The following GREB1L variants were observed in gnomAD, a reference collection of about 807,000 sequenced individuals.
GREB1L encodes GREB1-like protein.
Under a neutral mutation model 200.8 loss-of-function variants are expected in GREB1L, and 17 were observed. The observed-to-expected ratio is 0.08, with a 90% CI of 0.06 to 0.13. The LOEUF is 0.13. GREB1L is among the 10% of genes least tolerant of loss of function. The pLI is 1.00. For synonymous variants in GREB1L, 789 were observed against 893.0 expected, an observed-to-expected ratio of 0.88 and a Z score of 2.08; for missense variants, 1,657 against 2,367.7, an observed-to-expected ratio of 0.70 and a Z score of 6.23.
intron 5 of GREB1L, among the ~76,000 whole-genome samples, chr18:21,396,086 C>T (rs1304183245): frequency 1.3e-5 from 2 of 150,744 alleles, no homozygotes; most frequent in African/African-American, 4.9e-5. Context: ...CTCTTGTCAC[C>T]CAGGCTGGAG....
At chr18:21,296,872 C>A (rs1372341314) in intron 1 of GREB1L, among the ~76,000 whole-genome samples, 2 of 152,120 alleles carry the variant, frequency 1.3e-5, no homozygotes, top group African/African-American at 2.4e-5. Context: ...CTAGGCTGGT[C>A]TCGAACTCCT....
chr18:21,261,937 T>C (rs1458155343), intron 1 of GREB1L, among the ~76,000 whole-genome samples: 1 of 152,106 alleles, frequency 6.6e-6, no homozygotes, highest in Non-Finnish European at 1.5e-5. Context: ...CATTTTGAGG[T>C]CTTAGATTTT....
intron 27 of GREB1L, among the ~76,000 whole-genome samples, chr18:21,508,887 G>C (rs2037127538): frequency 1.3e-5 from 2 of 152,114 alleles, no homozygotes; most frequent in Admixed American, 6.5e-5. Flanking sequence ...GGCTGCAAAT[G>C]TTCCTGAGCT....
At chr18:21,308,175 A>G (rs546178816) in intron 1 of GREB1L, among the ~76,000 whole-genome samples, 148 of 152,328 alleles carry the variant, frequency 9.7e-4, no homozygotes, top group African/African-American at 3.5e-3. Flanking sequence ...TCTGTGGAGT[A>G]GGCACAAAAT....
intron 4 of GREB1L, among the ~76,000 whole-genome samples, chr18:21,384,790 C>G (rs577805576): frequency 8.6e-6 from 1 of 115,982 alleles, no homozygotes; most frequent in Non-Finnish European, 1.7e-5. Flanking sequence ...TATTCCCCCC[C>G]GCCCCCGGCC....
intron 15 of GREB1L, among the ~76,000 whole-genome samples, chr18:21,468,549 A>G (rs2035355212): frequency 6.6e-6 from 1 of 152,246 alleles, no homozygotes. Context: ...GCTTATATCA[A>G]TCACAAACGC....
At chr18:21,333,095 C>T (rs980163891) in intron 1 of GREB1L, among the ~76,000 whole-genome samples, 14 of 151,210 alleles carry the variant, frequency 9.3e-5, no homozygotes, top group Non-Finnish European at 1.5e-4. Context: ...CACACACACG[C>T]GCGCGCGCGC....
At position 21,494,965 on chromosome 18, in the gene GREB1L, G is replaced by GA. The variant is rs1216884411; in HGVS notation, c.3031-700dup. On this transcript the variant is annotated intron_variant, in intron 19 of 32. Coordinates refer to ENST00000424526, the MANE Select transcript of GREB1L (RefSeq NM_001142966.3). ...TGTCTATGTATATGTGTGTTTATATGAAAAATTGATACTTAATAGGTTCTT... is the reference window on the plus strand; with the variant it reads ...TGTCTATGTATATGTGTGTTTATATGAAAAAATTGATACTTAATAGGTTCTT... 7.9e-5 allele frequency among the ~76,000 whole-genome samples: 12 copies of GA among 152,244 alleles called. 1 individual carries two copies. The highest frequency in any genetic ancestry group is 1.6e-4 in the Non-Finnish European group (11 of 67,992).
At chr18:21,402,345 T>G (rs1456233393) in intron 6 of GREB1L, among the ~76,000 whole-genome samples, 1 of 152,144 alleles carries the variant, frequency 6.6e-6, no homozygotes, top group African/African-American at 2.4e-5. Context: ...AACTTCTTAG[T>G]ACTCAGTGGC....
At chr18:21,434,401 A>T (rs971816491) in intron 7 of GREB1L, among the ~76,000 whole-genome samples, 1 of 150,928 alleles carries the variant, frequency 6.6e-6, no homozygotes, top group Non-Finnish European at 1.5e-5. Flanking sequence ...TCTTGAACCC[A>T]GGAGGAAGAG....
chr18:21,289,672 C>T (rs1567923657), intron 1 of GREB1L, among the ~76,000 whole-genome samples: 1 of 152,182 alleles, frequency 6.6e-6, no homozygotes, highest in Non-Finnish European at 1.5e-5. Flanking sequence ...GTTTACTTTG[C>T]ACCCTTGATT....
At chr18:21,266,480 C>T (rs2037969519) in intron 1 of GREB1L, among the ~76,000 whole-genome samples, 2 of 152,092 alleles carry the variant, frequency 1.3e-5, no homozygotes, top group African/African-American at 4.8e-5. Flanking sequence ...TTGTGGTGAG[C>T]CTTGGGCTGC....
rs570173359 is a variant in GREB1L, at chr18:21,462,263, C to A, written c.2182+7700C>A. Among the ~76,000 whole-genome samples, 11 of 152,288 alleles carry A rather than the reference C, an allele frequency of 7.2e-5. No individual in the cohort carries two copies. The South Asian group carries it at 2.3e-3, about 32-fold the overall frequency. ...ATTTGAAAAATAAACTTGTTTAATT[C>A]CATAGAACTGTGATAAATTAAGTTA... On this transcript the variant is annotated intron_variant, in intron 15 of 32. Coordinates refer to ENST00000424526, the MANE Select transcript of GREB1L (RefSeq NM_001142966.3).
chr18:21,357,167 G>T (rs560598380), intron 1 of GREB1L, among the ~76,000 whole-genome samples: 1 of 152,216 alleles, frequency 6.6e-6, no homozygotes, highest in African/African-American at 2.4e-5. Context: ...CAATTCTTCT[G>T]CCTCCGCCTC....
At chr18:21,379,326 C>T (rs1435045114) in intron 2 of GREB1L, among the ~76,000 whole-genome samples, 1 of 152,132 alleles carries the variant, frequency 6.6e-6, no homozygotes, top group Non-Finnish European at 1.5e-5. Flanking sequence ...CCTGCCTCAG[C>T]CTCCCGAGTA....
rs541119484 is a variant in GREB1L at position 21,361,313 on chromosome 18, G to A, written c.-119-4714G>A. On this transcript the variant is annotated intron_variant, in intron 1 of 32. Transcript: ENST00000424526. ...TAAGCTGGTATTTGCCATGCTCTGA[G>A]TACTCAGCAGCATGCCATTTTGTGA... Among the ~76,000 whole-genome samples, 28 of 152,308 alleles carry A rather than the reference G, an allele frequency of 1.8e-4. No individual in the cohort carries two copies. In the South Asian group the frequency reaches 5.8e-3, roughly 32 times the overall value.
At chr18:21,251,482 A>T (rs1567908362) in intron 1 of GREB1L, among the ~76,000 whole-genome samples, 1 of 152,230 alleles carries the variant, frequency 6.6e-6, no homozygotes, top group Non-Finnish European at 1.5e-5. Flanking sequence ...AACAACCATT[A>T]CTTCATTGAA....
At chr18:21,391,137 A>C (rs1343751731) in intron 4 of GREB1L, among the ~76,000 whole-genome samples, 1 of 152,202 alleles carries the variant, frequency 6.6e-6, no homozygotes, top group East Asian at 1.9e-4. Flanking sequence ...ACATTCACTC[A>C]TTACTCACTC....
intron 4 of GREB1L, among the ~76,000 whole-genome samples, chr18:21,394,998 C>T (rs1392729192): frequency 1.0e-4 from 15 of 145,114 alleles, no homozygotes; most frequent in South Asian, 2.2e-4. Flanking sequence ...CTCAGCTACT[C>T]GGGAGGCTGA....
Sources: allele counts gnomAD v4.1 joint callset (sites outside exome capture counted in the v4.1 genomes callset), GRCh38; gene constraint gnomAD v4.1.1; transcripts MANE v1.5; gene names NCBI Gene and HGNC (gene_info 2026-07-23, HGNC 2026-07-21).